Variants in SMARCD2 observed in about 807,000 individuals in gnomAD.
SMARCD2 encodes SWI/SNF related BAF chromatin remodeling complex subunit D2, also known as SWI/SNF-related matrix-associated actin-dependent regulator of chromatin subfamily D member 2.
Under a neutral mutation model 70.4 loss-of-function variants are expected in SMARCD2, and 39 were observed. That is an observed-to-expected ratio of 0.55 (90% CI 0.43 to 0.72). The LOEUF (loss-of-function observed/expected upper bound fraction) is 0.72. Among genes scored for constraint, SMARCD2 ranks in the 30% least tolerant of loss-of-function variants. The probability of loss-of-function intolerance (pLI) is 0.00; values close to 1 mark genes in which losing one functional copy is unlikely to be tolerated. For missense variants in SMARCD2, 540 were observed against 713.4 expected, an observed-to-expected ratio of 0.76 and a Z score of 2.77; for synonymous variants, 249 against 279.4, an observed-to-expected ratio of 0.89 and a Z score of 1.08.
At chr17:63,835,702 G>T in intron 4 of SMARCD2, 135 bp from the exon 5 acceptor site, 3 of 744,022 alleles carry the variant, frequency 4.0e-6, no homozygotes, top group Non-Finnish European at 6.4e-6. Context: ...GTCAGGTACT[G>T]GGAATCAGAA....
Position 63,833,170 on chromosome 17 carries a change from T to C in SMARCD2, c.1441A>G (p.Ile481Val). The part of the protein sequence containing the change: ...WLRSQRRDLK[I>V]ITDVIGNPEE... ...GGATTTCCAATCACATCAGTGATGATCTGCAAAGAGCCAGGAGGAAAGCCA... is the reference window on the plus strand; with the variant it reads ...GGATTTCCAATCACATCAGTGATGACCTGCAAAGAGCCAGGAGGAAAGCCA... Residue 481 changes from isoleucine (I) to valine (V), a missense_variant and splice_region_variant, in exon 12 of 13, where the codon ATC becomes GTC. By Grantham distance (29) the Ile-to-Val change is conservative (BLOSUM62 3). Coordinates refer to ENST00000448276, the MANE Select transcript of SMARCD2 (RefSeq NM_001098426.2). The surrounding 1 kb of genome is among the most constrained non-coding windows in gnomAD (Gnocchi z 4.3). 6.2e-7 allele frequency: 1 copy of C among 1,608,260 alleles called. No homozygotes were observed. The highest frequency in any genetic ancestry group is 8.5e-7 in the Non-Finnish European group (1 of 1,177,058).
intron 1 of SMARCD2, 32 bp downstream of exon 1, chr17:63,842,427 C>T (rs1377598194): frequency 2.2e-6 from 3 of 1,337,318 alleles, no homozygotes; most frequent in Admixed American, 3.3e-5. Flanking sequence ...CAGCGCCTCT[C>T]GCCCCCGTCC....
Position 63,834,433 on chromosome 17 carries a change from G to A in SMARCD2, c.921+41C>T. 1 of 1,550,942 alleles carries A rather than the reference G, an allele frequency of 6.4e-7. No individual in the cohort carries two copies. The highest frequency in any genetic ancestry group is 1.4e-5 in the African/African-American group (1 of 73,378). ...CTAGGAACCAGCTCCCCTCCTGAGG[G>A]GTCCCTGTGGGCCCAGAAATGACCC... On this transcript the variant is annotated intron_variant, in intron 7 of 12. Coordinates refer to ENST00000448276, the MANE Select transcript of SMARCD2 (RefSeq NM_001098426.2). This position sits in a 1 kb window ranked among gnomAD's most constrained non-coding sequence, Gnocchi z 5.6.
At position 63,842,317 on chromosome 17, in the gene SMARCD2, C is replaced by G. The variant is rs1033993374; in HGVS notation, c.216+142G>C. 1.0e-5 allele frequency: 12 copies of G among 1,155,510 alleles called. No individual in the cohort carries two copies. The East Asian group carries it at 4.7e-4, about 46-fold the overall frequency. 71.6% of individuals were successfully genotyped at this position (1,155,510 alleles called of 1,614,324 possible). A position where few individuals can be genotyped will look rare whatever the true frequency, so the allele number is the denominator to read the frequency against. ...TTCTCCACCGCGACCCGCCGCAGCC[C>G]GAGGGTCCCGGCCCGCCCTCCACCG... On this transcript the variant is annotated intron_variant, in intron 1 of 12. Transcript: ENST00000448276.
At chr17:63,836,737 A>G in intron 4 of SMARCD2, 185 bp downstream of exon 4, 1 of 562,388 alleles carries the variant, frequency 1.8e-6, no homozygotes. Flanking sequence ...AAGATTTTCT[A>G]CTGTCATATA....
chr17:63,832,725 T>G lies in SMARCD2; in HGVS notation c.*213A>C. 1.7e-6 allele frequency: 1 copy of G among 595,822 alleles called. No individual in the cohort carries two copies. Among genetic ancestry groups the G allele is most frequent in the Non-Finnish European group, 3.0e-6 (1 of 333,186 alleles). The allele number at this position is 595,822 out of a possible 1,614,324, so 36.9% of individuals were successfully genotyped here. A position where few individuals can be genotyped will look rare whatever the true frequency, so the allele number is the denominator to read the frequency against. On this transcript the variant is annotated 3_prime_UTR_variant, in exon 13 of 13. Coordinates refer to ENST00000448276, the MANE Select transcript of SMARCD2 (RefSeq NM_001098426.2). ...CCTGCAGGGGGGCAGAGGAGGCATC[T>G]GCTGAACCCAATTAAAGCCAATGCA...
In SMARCD2 at chr17:63,833,072, G is replaced by C; in HGVS notation, c.1539C>G (p.Ala513=). 1 of 1,595,798 alleles carries C rather than the reference G, an allele frequency of 6.3e-7. No homozygotes were observed. Among genetic ancestry groups the C allele is most frequent in the African/African-American group, 1.3e-5 (1 of 74,636 alleles). ...GGAAAACAGGGCAGAGCCTCACCTT[G>C]GCAAAGATGTGCCTGCCTACTGCTT... ...AQEAVGRHIF[A]KVQQRRQELE... Residue 513 remains alanine, a synonymous_variant, in exon 12 of 13, where the codon GCC becomes GCG. Transcript: ENST00000448276. This position sits in a 1 kb window ranked among gnomAD's most constrained non-coding sequence, Gnocchi z 4.3.
At chr17:63,835,672 A>G (rs1307575961) in intron 4 of SMARCD2, 105 bp from the exon 5 acceptor site, 3 of 1,063,400 alleles carry the variant, frequency 2.8e-6, no homozygotes, top group East Asian at 2.6e-5. Flanking sequence ...ACTGAGCACC[A>G]TGAGCCAGCC....
In SMARCD2 at chr17:63,833,986, G is replaced by T. The variant is rs1484365744; in HGVS notation, c.1104C>A (p.Leu368=). 4 of 1,613,942 alleles carry T rather than the reference G, an allele frequency of 2.5e-6. No individual in the cohort carries two copies. The change falls in exon 9 of 13, where the codon CTC becomes CTA. Residue 368 remains leucine, a synonymous_variant. Transcript: ENST00000448276. This position sits in a 1 kb window ranked among gnomAD's most constrained non-coding sequence, Gnocchi z 4.3. ...YFRQIFSCGR[L]RFSEIPMKLA... Reference sequence around the variant, plus strand: ...GCTTCATGGGAATCTCGGAGAAACGGAGTCGGCCACAACTGAAGATCTGGA... The same window carrying T: ...GCTTCATGGGAATCTCGGAGAAACGTAGTCGGCCACAACTGAAGATCTGGA...
At chr17:63,842,353 T>C (rs1031967803) in intron 1 of SMARCD2, 106 bp downstream of exon 1, 2 of 1,190,374 alleles carry the variant, frequency 1.7e-6, no homozygotes, top group African/African-American at 3.3e-5. Flanking sequence ...TCTCCCGGAG[T>C]TCCTCATGCA....
intron 1 of SMARCD2, among the ~76,000 whole-genome samples, chr17:63,841,213 C>G (rs559186373): frequency 6.6e-6 from 1 of 152,334 alleles, no homozygotes; most frequent in East Asian, 1.9e-4. Flanking sequence ...TACCCAGACT[C>G]TCTTTTCTCT....
rs927147384 is a variant in SMARCD2, at chr17:63,832,954, C to T, written c.1580G>A (p.Gly527Glu). 1 of 1,573,158 alleles carries T rather than the reference C, an allele frequency of 6.4e-7. No homozygotes were observed. Among genetic ancestry groups the T allele is most frequent in the Non-Finnish European group, 8.6e-7 (1 of 1,160,762 alleles). Residue 527 changes from glycine (G) to glutamate (E), a missense_variant, in exon 13 of 13, where the codon GGA (glycine) becomes GAA (glutamate). Physicochemically the swap from Gly to Glu is moderately conservative, Grantham distance 98. Transcript: ENST00000448276. ...QRRQELEQVLGIRLT is the reference protein window; with the variant it reads ...QRRQELEQVLEIRLT ...CCTGAGCAGTTAGGTCAGGCGAATTCCCAGCACCTGTTCCAGTTCCTGCCT... is the reference window on the plus strand; with the variant it reads ...CCTGAGCAGTTAGGTCAGGCGAATTTCCAGCACCTGTTCCAGTTCCTGCCT...
rs111987253 is a variant in SMARCD2 at position 63,839,850 on chromosome 17, C to T, written c.217-2225G>A. On this transcript the variant is annotated intron_variant, in intron 1 of 12. Coordinates refer to ENST00000448276, the MANE Select transcript of SMARCD2 (RefSeq NM_001098426.2). ...CCATGAGTAAAAAGGATTTTGAGGC[C>T]GGGTGCAGTGGCTCACGCCTATAAT... Among the ~76,000 whole-genome samples, 1,023 of 152,296 alleles carry T rather than the reference C, an allele frequency of 6.7e-3. 9 individuals carry two copies. Among genetic ancestry groups the T allele is most frequent in the African/African-American group, 0.023 (946 of 41,564 alleles).
In SMARCD2 at chr17:63,832,529, G is replaced by C. The variant is rs931244317; in HGVS notation, c.*409C>G. ...AGGAATGGCAAAGAACTTTGGTTTA[G>C]AAAGGCTAGGAAGAGTCTGGGCTGC... is the stretch of plus-strand genomic sequence containing the variant. On this transcript the variant is annotated 3_prime_UTR_variant, in exon 13 of 13. Coordinates refer to ENST00000448276, the MANE Select transcript of SMARCD2 (RefSeq NM_001098426.2). The C allele has an allele frequency of 5.1e-5, 12 of 236,676 alleles. No homozygotes were observed. Among genetic ancestry groups the C allele is most frequent in the Admixed American group, 4.1e-4 (8 of 19,670 alleles). 14.7% of individuals were successfully genotyped at this position (236,676 alleles called of 1,614,324 possible).
rs372505504 is a variant in SMARCD2 at position 63,834,188 on chromosome 17, G to C, written c.1062C>G (p.Asn354Lys). ...TAACCTGGCGGAAGTAACGGTTGCA[G>C]TTGATGTACTCCCGCTCGTGCCCAT... ...LQDGHEREYI[N>K]CNRYFRQIFS... The change falls in exon 8 of 13, where the codon AAC (asparagine) becomes AAG (lysine). Residue 354 changes from asparagine (N) to lysine (K), a missense_variant. Transcript: ENST00000448276. This position sits in a 1 kb window ranked among gnomAD's most constrained non-coding sequence, Gnocchi z 5.6. 6.2e-7 allele frequency: 1 copy of C among 1,608,572 alleles called. No individual in the cohort carries two copies. Among genetic ancestry groups the C allele is most frequent in the Non-Finnish European group, 8.5e-7 (1 of 1,177,342 alleles).
rs778582319 is a variant in SMARCD2, at chr17:63,842,469, G to GCCGCGGGGC, written c.197_205dup (p.Gly66_Ala68dup). 105 of 1,269,132 alleles carry GCCGCGGGGC rather than the reference G, an allele frequency of 8.3e-5. No homozygotes were observed. Among genetic ancestry groups the GCCGCGGGGC allele is most frequent in the Non-Finnish European group, 9.6e-5 (97 of 1,010,370 alleles). The allele number at this position is 1,269,132 out of a possible 1,614,324, so 78.6% of individuals were successfully genotyped here. On this transcript the variant is annotated inframe_insertion, in exon 1 of 13. Transcript: ENST00000448276. ...GTCCTCCTTGCTCACCTGGTACTGC[G>GCCGCGGGGC]CCGCGGGGCCCGCGGGGCCCATGGG...
Position 63,834,131 on chromosome 17 carries a change from A to C in SMARCD2, c.1083+36T>G, listed in dbSNP as rs919474212. 4 of 1,607,650 alleles carry C rather than the reference A, an allele frequency of 2.5e-6. No individual in the cohort carries two copies. Among genetic ancestry groups the C allele is most frequent in the Non-Finnish European group, 3.4e-6 (4 of 1,175,696 alleles). On this transcript the variant is annotated intron_variant, in intron 8 of 12. Transcript: ENST00000448276. The surrounding 1 kb of genome is among the most constrained non-coding windows in gnomAD (Gnocchi z 5.6). ...AGTAGCCCAGCAGGCAAGGCAAAGCAAGGGCTGAGAAAACGGGGGCTGGCA... is the reference window on the plus strand; with the variant it reads ...AGTAGCCCAGCAGGCAAGGCAAAGCCAGGGCTGAGAAAACGGGGGCTGGCA...
At chr17:63,839,017 T>G (rs1190230879) in intron 1 of SMARCD2, 3 of 985,060 alleles carry the variant, frequency 3.0e-6, no homozygotes, top group Non-Finnish European at 3.6e-6. Flanking sequence ...TTTGGGAGAA[T>G]AAAAAGTTCA....
Position 63,834,692 on chromosome 17 carries a change from G to A in SMARCD2, c.819+13C>T, listed in dbSNP as rs139485980. 5.4e-4 allele frequency: 867 copies of A among 1,605,690 alleles called. 5 individuals carry two copies. In the African/African-American group the frequency reaches 0.01, roughly 19 times the overall value. ...TGCACATCAGCCTGCTTTTGCCCCA[G>A]GCCCACTCTCACCTCCACCAGGTGA... On this transcript the variant is annotated intron_variant, in intron 6 of 12. Coordinates refer to ENST00000448276, the MANE Select transcript of SMARCD2 (RefSeq NM_001098426.2). This position sits in a 1 kb window ranked among gnomAD's most constrained non-coding sequence, Gnocchi z 5.6.
Sources: allele counts gnomAD v4.1 joint callset (sites outside exome capture counted in the v4.1 genomes callset), GRCh38; gene constraint gnomAD v4.1.1; non-coding constraint Gnocchi (gnomAD v3.1); transcripts MANE v1.5; gene names NCBI Gene and HGNC (gene_info 2026-07-23, HGNC 2026-07-21).